The following CNTN1 variants were observed in gnomAD, a reference collection of about 807,000 sequenced individuals.
CNTN1 encodes contactin 1.
CNTN1 carries 38 observed loss-of-function variants against 126.4 expected under a neutral mutation model. That is an observed-to-expected ratio of 0.30 (90% CI 0.23 to 0.39). The LOEUF is 0.39. CNTN1 is among the 10% of genes least tolerant of loss of function. The probability of loss-of-function intolerance (pLI) is 1.00; values close to 1 mark genes in which losing one functional copy is unlikely to be tolerated. For synonymous variants in CNTN1, 413 were observed against 422.6 expected (o/e 0.98, Z 0.28); for missense variants, 1,009 against 1,248.4 (o/e 0.81, Z 2.89).
In CNTN1 at chr12:41,020,412, T is replaced by C. The variant is rs780316987; in HGVS notation, c.2495T>C (p.Val832Ala). 9 of 1,611,304 alleles carry C rather than the reference T, an allele frequency of 5.6e-6. No homozygotes were observed. The African/African-American group carries it at 1.2e-4, about 22-fold the overall frequency. Residue 832 changes from valine to alanine, a missense_variant, in exon 20 of 24, where the codon GTT (valine) becomes GCT (alanine). Transcript: ENST00000551295. ...GAGATATCTGTTCATTGGGAACATG[T>C]TTTAGAAAAAATAGTGGAAAGCTAT... ...SSEISVHWEH[V>A]LEKIVESYQI...
chr12:40,888,602 T>A (rs1324921633), intron 1 of CNTN1, among the ~76,000 whole-genome samples: 1 of 150,852 alleles, frequency 6.6e-6, no homozygotes, highest in Admixed American at 6.7e-5. Flanking sequence ...TAAAGAAATG[T>A]GATTAACAAC....
intron 1 of CNTN1, among the ~76,000 whole-genome samples, chr12:40,733,908 T>G (rs532382009): frequency 7.2e-5 from 11 of 152,166 alleles, no homozygotes; most frequent in Non-Finnish European, 1.2e-4. Flanking sequence ...CTGAAAACAC[T>G]TCTTTAAAAT....
intron 23 of CNTN1, among the ~76,000 whole-genome samples, chr12:41,059,132 C>A (rs778152939): frequency 1.2e-4 from 18 of 151,754 alleles, no homozygotes; most frequent in Middle Eastern, 3.4e-3. Flanking sequence ...TAGCAAATAC[C>A]AAATACCAAT....
chr12:40,842,139 A>G (rs1414417473), intron 1 of CNTN1, among the ~76,000 whole-genome samples: 5 of 152,102 alleles, frequency 3.3e-5, no homozygotes, highest in African/African-American at 7.2e-5. Context: ...TGACTGGCAA[A>G]TACAGAATAA....
At position 40,828,630 on chromosome 12, in the gene CNTN1, C is replaced by T. The variant is rs551336439; in HGVS notation, c.-76-79727C>T. 5.3e-5 allele frequency among the ~76,000 whole-genome samples: 8 copies of T among 152,248 alleles called. No individual in the cohort carries two copies. In the East Asian group the frequency reaches 1.5e-3, roughly 29 times the overall value. On this transcript the variant is annotated intron_variant, in intron 1 of 23. Coordinates refer to ENST00000551295, the MANE Select transcript of CNTN1 (RefSeq NM_001843.4). ...TCCTTGTGGGGAAGTTTTAGCACGG[C>T]TGTGGCATCGCGTTGGCTCAGATTA...
intron 23 of CNTN1, among the ~76,000 whole-genome samples, chr12:41,034,664 A>G (rs1949217542): frequency 6.6e-6 from 1 of 152,240 alleles, no homozygotes; most frequent in Non-Finnish European, 1.5e-5. Context: ...ATTCAAGTAT[A>G]TAAATCTAGC....
In CNTN1 at chr12:40,974,552, A is replaced by C. The variant is rs536622211; in HGVS notation, c.1805-6357A>C. Among the ~76,000 whole-genome samples, 19 of 152,230 alleles carry C rather than the reference A, an allele frequency of 1.2e-4. No individual in the cohort carries two copies. In the East Asian group the frequency reaches 1.7e-3, roughly 14 times the overall value. On this transcript the variant is annotated intron_variant, in intron 15 of 23. Transcript: ENST00000551295. Reference sequence around the variant, plus strand: ...TACAAGTAATTCATATTCTTCCCAAAAAGAAAAGTCAGCAACGGAAACCTA... The same window carrying C: ...TACAAGTAATTCATATTCTTCCCAACAAGAAAAGTCAGCAACGGAAACCTA...
chr12:40,965,579 A>T (rs1947276747), intron 15 of CNTN1, among the ~76,000 whole-genome samples: 1 of 152,154 alleles, frequency 6.6e-6, no homozygotes, highest in Non-Finnish European at 1.5e-5. Context: ...TTGTAGGAAA[A>T]ATAAAGCCAA....
chr12:40,786,369 T>G (rs935229), intron 1 of CNTN1, among the ~76,000 whole-genome samples: 121,698 of 152,104 alleles, frequency 0.8, 48,992 homozygotes, highest in South Asian at 0.86. Context: ...TTCAGTCTAA[T>G]CTGGCAGTGT....
intron 23 of CNTN1, among the ~76,000 whole-genome samples, chr12:41,050,910 A>G (rs567372590): frequency 6.6e-6 from 1 of 152,076 alleles, no homozygotes; most frequent in Non-Finnish European, 1.5e-5. Context: ...AATCTACTGT[A>G]TAGCTGTTTA....
intron 1 of CNTN1, among the ~76,000 whole-genome samples, chr12:40,803,625 A>G (rs1940734719): frequency 6.6e-6 from 1 of 151,974 alleles, no homozygotes; most frequent in South Asian, 2.1e-4. Flanking sequence ...ACCCCCTTGT[A>G]TGTAATTTGG....
chr12:40,723,373 C>A (rs1014253582), intron 1 of CNTN1, among the ~76,000 whole-genome samples: 1 of 152,172 alleles, frequency 6.6e-6, no homozygotes, highest in African/African-American at 2.4e-5. Context: ...AGCTGCTTTA[C>A]GCTTTCAGTT....
intron 14 of CNTN1, among the ~76,000 whole-genome samples, chr12:40,949,424 C>CCA (rs1592306726): frequency 7.1e-6 from 1 of 140,166 alleles, no homozygotes; most frequent in Non-Finnish European, 1.6e-5. Flanking sequence ...CCCTACCCCC[C>CCA]CTCCCCCCAC....
At chr12:40,948,605 A>T (rs1461486666) in intron 14 of CNTN1, among the ~76,000 whole-genome samples, 1 of 152,164 alleles carries the variant, frequency 6.6e-6, no homozygotes, top group African/African-American at 2.4e-5. Flanking sequence ...GCTAGAGGCT[A>T]ACAGAAGATT....
intron 1 of CNTN1, among the ~76,000 whole-genome samples, chr12:40,885,705 C>T (rs1944006559): frequency 6.6e-6 from 1 of 151,938 alleles, no homozygotes; most frequent in Non-Finnish European, 1.5e-5. Flanking sequence ...TCTTAATGTC[C>T]TTTTCAAACA....
chr12:41,013,708 G>GTC (rs1203267371), intron 17 of CNTN1, among the ~76,000 whole-genome samples: 4 of 152,118 alleles, frequency 2.6e-5, no homozygotes, highest in African/African-American at 7.2e-5. Context: ...AGAGAACGGG[G>GTC]GAGAGAGTAC....
intron 23 of CNTN1, among the ~76,000 whole-genome samples, chr12:41,041,940 T>C (rs577907561): frequency 6.6e-6 from 1 of 152,310 alleles, no homozygotes; most frequent in South Asian, 2.1e-4. Flanking sequence ...ATTTTAGTTA[T>C]TTCTTGCCTT....
At chr12:40,922,136 T>C in intron 4 of CNTN1, 120 bp from the exon 5 acceptor site, 3 of 798,632 alleles carry the variant, frequency 3.8e-6, no homozygotes, top group Non-Finnish European at 6.5e-6. Flanking sequence ...ACCTGAATCA[T>C]ATTCTTAATT....
At chr12:40,955,627 T>C (rs970785189) in intron 14 of CNTN1, among the ~76,000 whole-genome samples, 1 of 152,154 alleles carries the variant, frequency 6.6e-6, no homozygotes, top group Non-Finnish European at 1.5e-5. Context: ...CTATTCAATA[T>C]TTGTTGAATT....
Sources: gnomAD v4.1 joint callset for allele counts (sites outside exome capture counted in the v4.1 genomes callset) on GRCh38, gnomAD v4.1.1 for gene constraint, MANE v1.5 for transcripts, NCBI Gene and HGNC (gene_info 2026-07-23, HGNC 2026-07-21) for gene names.